The following PSMD12 variants were observed in gnomAD, a reference collection of about 807,000 sequenced individuals.
PSMD12 encodes the protein proteasome 26S subunit, non-ATPase 12.
Under a neutral mutation model 62.9 loss-of-function variants are expected in PSMD12, and 8 were observed. The ratio of observed to expected loss-of-function variants is 0.13; its 90% CI spans 0.07 to 0.23. The LOEUF (loss-of-function observed/expected upper bound fraction) is 0.23. PSMD12 is among the 10% of genes least tolerant of loss of function. The pLI is 1.00. For synonymous variants in PSMD12, 173 were observed against 187.4 expected, an observed-to-expected ratio of 0.92 and a Z score of 0.63; for missense variants, 424 against 550.2, an observed-to-expected ratio of 0.77 and a Z score of 2.29.
At chr17:67,353,163 C>T (rs2042034133) in intron 3 of PSMD12, among the ~76,000 whole-genome samples, 1 of 152,114 alleles carries the variant, frequency 6.6e-6, no homozygotes, top group Admixed American at 6.5e-5. Flanking sequence ...ACGTCTTGCT[C>T]CTCTCTGAAA....
rs555857036 is a variant in PSMD12 at position 67,357,486 on chromosome 17, T to C, written c.168+33A>G. On this transcript the variant is annotated intron_variant, in intron 2 of 10. Transcript: ENST00000356126. ...ATGGAAGAATGTTCAATGAAATTAA[T>C]GGTAACTGAGCTTTCCCCTGTAAAC... 66 of 1,612,990 alleles carry C rather than the reference T, an allele frequency of 4.1e-5. No individual in the cohort carries two copies. The South Asian group carries it at 4.4e-4, about 11-fold the overall frequency.
At position 67,347,375 on chromosome 17, in the gene PSMD12, C is replaced by T; in HGVS notation, c.621G>A (p.Lys207=). The T allele has an allele frequency of 6.2e-7, 1 of 1,613,870 alleles. No homozygotes were observed. Among genetic ancestry groups the T allele is most frequent in the Non-Finnish European group, 8.5e-7 (1 of 1,179,936 alleles). The part of the protein sequence containing the change: ...KDYIRTQIIS[K]KINTKFFQEE... ...CCTGGAAAAATTTGGTGTTAATTTT[C>T]TTGCTGATGATTTGTGTTCGAATGT... The change falls in exon 6 of 11, where the codon AAG becomes AAA. Residue 207 remains lysine, a synonymous_variant. Coordinates refer to ENST00000356126, the MANE Select transcript of PSMD12 (RefSeq NM_002816.5).
chr17:67,350,199 C>G, intron 4 of PSMD12, 30 bp downstream of exon 4: 1 of 1,447,022 alleles, frequency 6.9e-7, no homozygotes, highest in Non-Finnish European at 9.6e-7. Flanking sequence ...CAGTTCATAT[C>G]ATTTTGAGTT....
intron 4 of PSMD12, among the ~76,000 whole-genome samples, chr17:67,349,732 T>C (rs2042000566): frequency 6.6e-6 from 1 of 152,220 alleles, no homozygotes; most frequent in South Asian, 2.1e-4. Context: ...TGTTAGTAGA[T>C]TTATAATTTC....
chr17:67,361,280 G>C (rs372901248), intron 1 of PSMD12: 1 of 152,108 alleles, frequency 6.6e-6, no homozygotes. Flanking sequence ...GAAAGAAAAA[G>C]GCTAATAAAA....
intron 1 of PSMD12, among the ~76,000 whole-genome samples, chr17:67,364,370 A>G (rs561840726): frequency 6.6e-6 from 1 of 152,376 alleles, no homozygotes; most frequent in Non-Finnish European, 1.5e-5. Context: ...AGCCTGGAGC[A>G]TAACAACAAT....
intron 9 of PSMD12, 75 bp downstream of exon 9, chr17:67,344,531 G>T: frequency 7.4e-7 from 1 of 1,346,120 alleles, no homozygotes; most frequent in South Asian, 1.7e-5. Flanking sequence ...GCTCAAAATT[G>T]CCAAAATTTA....
chr17:67,347,540 C>T, intron 5 of PSMD12, 55 bp from the exon 6 acceptor site: 1 of 1,486,998 alleles, frequency 6.7e-7, no homozygotes, highest in Non-Finnish European at 9.1e-7. Flanking sequence ...TTGTGAATTG[C>T]AATAAAATGA....
chr17:67,342,159 A>G (rs781126765), intron 10 of PSMD12, 27 bp downstream of exon 10: 11 of 1,477,650 alleles, frequency 7.4e-6, no homozygotes, highest in Admixed American at 1.9e-5. Context: ...AATGCCTACA[A>G]ATAACTCAAA....
intron 3 of PSMD12, 141 bp from the exon 4 acceptor site, chr17:67,350,477 C>G (rs1404920414): frequency 3.8e-6 from 2 of 521,704 alleles, no homozygotes; most frequent in African/African-American, 2.0e-5. Context: ...AACATCACAT[C>G]GAAATCTCAC....
rs1462477896 is a variant in PSMD12, at chr17:67,340,006, C to A, written c.*837G>T. The A allele has an allele frequency of 1.5e-5, 2 of 132,462 alleles. No homozygotes were observed. The highest frequency in any genetic ancestry group is 1.7e-4 in the Admixed American group (2 of 11,546). 8.2% of individuals were successfully genotyped at this position (132,462 alleles called of 1,614,324 possible). ...AACAATAATGATGTAATCAGACTTA[C>A]AAGTTAAAGCCACAAATAAGCCTTA... On this transcript the variant is annotated 3_prime_UTR_variant, in exon 11 of 11. Transcript: ENST00000356126.
intron 1 of PSMD12, among the ~76,000 whole-genome samples, chr17:67,363,847 TGA>T (rs2042155849): frequency 6.6e-6 from 1 of 152,072 alleles, no homozygotes; most frequent in African/African-American, 2.4e-5. Context: ...GCCAGGAGTT[TGA>T]GACCATCCTG....
rs959455277 is a variant in PSMD12 at position 67,338,368 on chromosome 17, C to G, written c.*2475G>C. 6.6e-6 allele frequency: 1 copy of G among 152,132 alleles called. No individual in the cohort carries two copies. Among genetic ancestry groups the G allele is most frequent in the Admixed American group, 6.6e-5 (1 of 15,266 alleles). The allele number at this position is 152,132 out of a possible 1,614,324, so 9.4% of individuals were successfully genotyped here. A position where few individuals can be genotyped will look rare whatever the true frequency, so the allele number is the denominator to read the frequency against. On this transcript the variant is annotated 3_prime_UTR_variant, in exon 11 of 11. Transcript: ENST00000356126. ...AAATATTTCACTATTGTACTTTATG[C>G]TAATGAATTATTTTGTAATACTAAG...
chr17:67,366,224 T>C (rs1285148674), intron 1 of PSMD12, among the ~76,000 whole-genome samples, 188 bp downstream of exon 1: 1 of 152,190 alleles, frequency 6.6e-6, no homozygotes, highest in Non-Finnish European at 1.5e-5. Flanking sequence ...TGGGAAGCTA[T>C]AGGCGCTGGC....
Position 67,357,520 on chromosome 17 carries a change from G to T in PSMD12, c.167C>A (p.Thr56Asn). 1 of 1,613,584 alleles carries T rather than the reference G, an allele frequency of 6.2e-7. No individual in the cohort carries two copies. The highest frequency in any genetic ancestry group is 8.5e-7 in the Non-Finnish European group (1 of 1,179,536). The change falls in exon 2 of 11, where the codon ACT becomes AAT. Residue 56 changes from threonine (T) to asparagine (N), a missense_variant and splice_region_variant. Coordinates refer to ENST00000356126, the MANE Select transcript of PSMD12 (RefSeq NM_002816.5). Reference protein sequence around the residue: ...TLLSLEKQTRTASDMVSTSRI... With the variant: ...TLLSLEKQTRNASDMVSTSRI... ...AGCTTTCCCCTGTAAACTACTCACA[G>T]TACGAGTCTGCTTTTCCAGAGAGAG...
chr17:67,357,470 T>G, intron 2 of PSMD12, 39 bp from the exon 3 acceptor site: 4 of 1,612,830 alleles, frequency 2.5e-6, no homozygotes, highest in Non-Finnish European at 1.7e-6. Context: ...AATGGAAGAA[T>G]GTTCAATGAA....
intron 4 of PSMD12, among the ~76,000 whole-genome samples, chr17:67,349,924 C>T (rs866325101): frequency 2.0e-5 from 3 of 152,128 alleles, no homozygotes; most frequent in African/African-American, 7.2e-5. Flanking sequence ...GTCTAAAATG[C>T]TCTTCTCCCA....
rs1236758470 is a variant in PSMD12, at chr17:67,345,828, G to A, written c.825C>T (p.Ile275=). The stretch of plus-strand genomic sequence containing the variant: ...ACTGTTCATTGTCAAAAGGAGCCAG[G>A]ATAACATAGAGTACAACACTCTTCA... The part of the protein sequence containing the change: ...QALKSVVLYV[I]LAPFDNEQSD... Residue 275 remains isoleucine (I), a synonymous_variant, in exon 8 of 11, where the codon ATC becomes ATT. Transcript: ENST00000356126. The A allele has an allele frequency of 6.2e-7, 1 of 1,613,522 alleles. No homozygotes were observed. Among genetic ancestry groups the A allele is most frequent in the East Asian group, 2.2e-5 (1 of 44,876 alleles).
rs1285841120 is a variant in PSMD12 at position 67,338,601 on chromosome 17, C to T, written c.*2242G>A. 1.3e-5 allele frequency: 2 copies of T among 152,286 alleles called. No individual in the cohort carries two copies. Among genetic ancestry groups the T allele is most frequent in the Non-Finnish European group, 2.9e-5 (2 of 68,150 alleles). The allele number at this position is 152,286 out of a possible 1,614,324, so 9.4% of individuals were successfully genotyped here. ...GGGTGCAGTGGCTCATGCCTGTAAT[C>T]CCAGCACTTTGGGCAGCCAAGGCGG... is the stretch of plus-strand genomic sequence containing the variant. On this transcript the variant is annotated 3_prime_UTR_variant, in exon 11 of 11. Coordinates refer to ENST00000356126, the MANE Select transcript of PSMD12 (RefSeq NM_002816.5).
Sources: gnomAD v4.1 joint callset for allele counts (sites outside exome capture counted in the v4.1 genomes callset) on GRCh38, gnomAD v4.1.1 for gene constraint, MANE v1.5 for transcripts, NCBI Gene and HGNC (gene_info 2026-07-23, HGNC 2026-07-21) for gene names.